Variants in EPHA6 observed in about 807,000 individuals in gnomAD.
EPHA6 encodes the protein EPH receptor A6.
A neutral mutation model predicts 112.0 loss-of-function variants in EPHA6; 50 were observed. The ratio of observed to expected loss-of-function variants is 0.45; its 90% CI spans 0.36 to 0.56. The LOEUF (loss-of-function observed/expected upper bound fraction) is 0.56, where lower values mean the gene tolerates loss of function less well. Among genes scored for constraint, EPHA6 ranks in the 20% least tolerant of loss-of-function variants. EPHA6 has a pLI of 0.00. For synonymous variants in EPHA6, 529 were observed against 490.7 expected (o/e 1.08, Z -1.03); for missense variants, 1,280 against 1,417.4 (o/e 0.90, Z 1.56).
intron 1 of EPHA6, among the ~76,000 whole-genome samples, chr3:96,824,289 T>C (rs983365577): frequency 2.6e-5 from 4 of 151,808 alleles, no homozygotes; most frequent in Non-Finnish European, 5.9e-5. Context: ...AAATGGTATA[T>C]ATATATTTTA....
intron 5 of EPHA6, among the ~76,000 whole-genome samples, chr3:97,400,663 A>ATTT (rs975444134): frequency 6.6e-6 from 1 of 151,468 alleles, no homozygotes; most frequent in Non-Finnish European, 1.5e-5. Context: ...ATATTCCTAG[A>ATTT]TATGATATTT....
intron 2 of EPHA6, among the ~76,000 whole-genome samples, chr3:96,932,864 A>G (rs2040393904): frequency 6.6e-6 from 1 of 152,228 alleles, no homozygotes; most frequent in African/African-American, 2.4e-5. Context: ...GTCATAATAA[A>G]ACATGCAAAA....
chr3:96,872,425 C>T (rs955090422), intron 2 of EPHA6, among the ~76,000 whole-genome samples: 1 of 152,082 alleles, frequency 6.6e-6, no homozygotes, highest in African/African-American at 2.4e-5. Flanking sequence ...CTCTCCTCTT[C>T]CTTGCTTTAT....
At chr3:97,588,005 A>G (rs1379804641) in intron 11 of EPHA6, among the ~76,000 whole-genome samples, 1 of 152,200 alleles carries the variant, frequency 6.6e-6, no homozygotes, top group Non-Finnish European at 1.5e-5. Context: ...ACATCTAACA[A>G]TAAAAATGTT....
At chr3:97,020,176 A>G (rs535868838) in intron 3 of EPHA6, among the ~76,000 whole-genome samples, 9 of 152,230 alleles carry the variant, frequency 5.9e-5, no homozygotes, top group Admixed American at 4.6e-4. Context: ...CTGAGCCCCA[A>G]CTGCAATGAA....
chr3:97,102,548 G>T (rs948146270), intron 3 of EPHA6, among the ~76,000 whole-genome samples: 3 of 151,870 alleles, frequency 2.0e-5, no homozygotes, highest in African/African-American at 7.2e-5. Context: ...TTAAACTTCT[G>T]TGCTTTTGCT....
At chr3:97,519,122 G>T (rs1016573782) in intron 10 of EPHA6, among the ~76,000 whole-genome samples, 1 of 152,062 alleles carries the variant, frequency 6.6e-6, no homozygotes, top group Non-Finnish European at 1.5e-5. Flanking sequence ...TAGCTTTATG[G>T]CTTTGGGTCC....
chr3:97,560,739 G>A (rs1037852289), intron 11 of EPHA6: 2 of 151,952 alleles, frequency 1.3e-5, no homozygotes, highest in African/African-American at 2.4e-5. Context: ...CTAAGAGAAA[G>A]ACAATAAACA....
intron 11 of EPHA6, among the ~76,000 whole-genome samples, chr3:97,536,813 T>C (rs1327105348): frequency 6.6e-6 from 1 of 152,120 alleles, no homozygotes; most frequent in African/African-American, 2.4e-5. Flanking sequence ...CTGGTTATAT[T>C]TGGGACAGTC....
intron 2 of EPHA6, among the ~76,000 whole-genome samples, chr3:96,943,915 A>T (rs952077766): frequency 3.3e-5 from 5 of 152,226 alleles, no homozygotes; most frequent in Non-Finnish European, 7.4e-5. Flanking sequence ...ATTGAAATGT[A>T]AGATGAGTTT....
At chr3:97,073,540 A>G (rs2046423025) in intron 3 of EPHA6, among the ~76,000 whole-genome samples, 1 of 152,128 alleles carries the variant, frequency 6.6e-6, no homozygotes, top group Non-Finnish European at 1.5e-5. Context: ...TAAATCTAAT[A>G]ATTTATGTTA....
At chr3:96,966,917 C>A (rs574080795) in intron 2 of EPHA6, among the ~76,000 whole-genome samples, 153 of 152,048 alleles carry the variant, frequency 1.0e-3, no homozygotes, top group South Asian at 2.1e-3. Flanking sequence ...ATACTGACTT[C>A]TAACGTAAGC....
chr3:97,721,813 GT>G (rs1430016175), intron 15 of EPHA6, among the ~76,000 whole-genome samples: 1 of 152,146 alleles, frequency 6.6e-6, no homozygotes, highest in Non-Finnish European at 1.5e-5. Context: ...TGCTTTTCCA[GT>G]TTTTCCTAAA....
At chr3:97,586,951 A>G (rs925865418) in intron 11 of EPHA6, among the ~76,000 whole-genome samples, 1 of 152,224 alleles carries the variant, frequency 6.6e-6, no homozygotes, top group African/African-American at 2.4e-5. Context: ...ATACTCAAGT[A>G]TAAAGAAAGG....
intron 6 of EPHA6, among the ~76,000 whole-genome samples, chr3:97,445,520 CTTATGAAGTA>C (rs2090311250): frequency 6.6e-6 from 1 of 151,920 alleles, no homozygotes; most frequent in Admixed American, 6.6e-5. Context: ...TGTATGAAAA[CTTATGAAGTA>C]TAACTATAGC....
At chr3:96,836,949 A>T (rs1032677357) in intron 1 of EPHA6, among the ~76,000 whole-genome samples, 1 of 152,160 alleles carries the variant, frequency 6.6e-6, no homozygotes, top group Non-Finnish European at 1.5e-5. Context: ...CCTTTTTATA[A>T]ATCAGCAAAG....
chr3:96,875,786 CATT>C (rs2036908128), intron 2 of EPHA6, among the ~76,000 whole-genome samples: 2 of 151,980 alleles, frequency 1.3e-5, no homozygotes, highest in South Asian at 4.1e-4. Context: ...GTATGGGTCT[CATT>C]AAGTCAAATC....
intron 5 of EPHA6, among the ~76,000 whole-genome samples, chr3:97,371,086 CT>C (rs10707071): frequency 0.81 from 118,115 of 145,948 alleles, 50,089 homozygotes; most frequent in East Asian, 0.97. Flanking sequence ...AGAAGATCCA[CT>C]TTTTTTTTTT....
intron 3 of EPHA6, among the ~76,000 whole-genome samples, chr3:97,204,983 A>G (rs556038596): frequency 1.3e-5 from 2 of 152,142 alleles, no homozygotes; most frequent in Non-Finnish European, 2.9e-5. Context: ...TTAAAATTAC[A>G]TAGAAAAATT....
Sources: gnomAD v4.1 joint callset for allele counts (sites outside exome capture counted in the v4.1 genomes callset) on GRCh38, gnomAD v4.1.1 for gene constraint, MANE v1.5 for transcripts, NCBI Gene and HGNC (gene_info 2026-07-23, HGNC 2026-07-21) for gene names.